Variants in ZNF385D observed in about 807,000 individuals in gnomAD.
ZNF385D encodes the protein zinc finger protein 385D.
ZNF385D carries 15 observed loss-of-function variants against 35.8 expected under a neutral mutation model. The ratio of observed to expected loss-of-function variants is 0.42; its 90% CI spans 0.28 to 0.64. ZNF385D has a LOEUF of 0.64. Ranked by LOEUF, ZNF385D falls within the 30% of genes least tolerant of loss-of-function variation. The pLI is 0.23. For synonymous variants in ZNF385D, 212 were observed against 186.8 expected, an observed-to-expected ratio of 1.13 and a Z score of -1.10; for missense variants, 474 against 494.6, an observed-to-expected ratio of 0.96 and a Z score of 0.39.
intron 3 of ZNF385D, among the ~76,000 whole-genome samples, chr3:21,827,898 G>C (rs1490738405): frequency 3.9e-5 from 6 of 152,166 alleles, no homozygotes; most frequent in African/African-American, 1.4e-4. Context: ...TATTCAAAGA[G>C]TGTTGGTAGA....
chr3:21,902,145 C>A (rs1198301071), intron 3 of ZNF385D, among the ~76,000 whole-genome samples: 1 of 152,006 alleles, frequency 6.6e-6, no homozygotes, highest in Non-Finnish European at 1.5e-5. Flanking sequence ...TCTGTATTAC[C>A]TATACACATT....
chr3:21,874,641 T>C (rs1697869121), intron 3 of ZNF385D, among the ~76,000 whole-genome samples: 1 of 152,162 alleles, frequency 6.6e-6, no homozygotes, highest in Non-Finnish European at 1.5e-5. Flanking sequence ...GAAATGTAGC[T>C]TTGTAATATG....
chr3:22,152,128 G>C (rs1253561267), intron 3 of ZNF385D, among the ~76,000 whole-genome samples: 3 of 152,078 alleles, frequency 2.0e-5, no homozygotes, highest in Non-Finnish European at 2.9e-5. Context: ...TCCTGCATTA[G>C]TATGCTATGA....
intron 2 of ZNF385D, among the ~76,000 whole-genome samples, chr3:22,291,235 C>G (rs1702286343): frequency 6.6e-6 from 1 of 151,948 alleles, no homozygotes; most frequent in Non-Finnish European, 1.5e-5. Flanking sequence ...GCAGAACTGC[C>G]CCTCCAAAAA....
intron 3 of ZNF385D, among the ~76,000 whole-genome samples, chr3:21,911,663 T>A (rs1471064094): frequency 1.3e-5 from 2 of 150,584 alleles, no homozygotes; most frequent in African/African-American, 4.9e-5. Flanking sequence ...GCAGAAGGCA[T>A]ACATTTTTTT....
At position 21,590,705 on chromosome 3, in the gene ZNF385D, G is replaced by T. The variant is rs147210257; in HGVS notation, c.166-26021C>A. ...TTCATTTGTTGGTGGGAGATGAGCGGAGGATGTAGTATTAAACCCCAAAAT... is the reference window on the plus strand; with the variant it reads ...TTCATTTGTTGGTGGGAGATGAGCGTAGGATGTAGTATTAAACCCCAAAAT... On this transcript the variant is annotated intron_variant, in intron 2 of 7. Coordinates refer to ENST00000281523, the MANE Select transcript of ZNF385D (RefSeq NM_024697.3). Among the ~76,000 whole-genome samples, 999 of 152,118 alleles carry T rather than the reference G, an allele frequency of 6.6e-3. 8 individuals carry two copies. Among genetic ancestry groups the T allele is most frequent in the African/African-American group, 0.02 (836 of 41,514 alleles).
chr3:21,610,556 G>A (rs2064640135), intron 2 of ZNF385D, among the ~76,000 whole-genome samples: 1 of 151,888 alleles, frequency 6.6e-6, no homozygotes, highest in African/African-American at 2.4e-5. Flanking sequence ...GGATCATGAG[G>A]TCAGGAGATC....
chr3:21,649,062 T>A (rs2065836123), intron 2 of ZNF385D, among the ~76,000 whole-genome samples: 1 of 152,184 alleles, frequency 6.6e-6, no homozygotes, highest in Non-Finnish European at 1.5e-5. Context: ...CACCACCATC[T>A]TGATACTCAA....
intron 3 of ZNF385D, among the ~76,000 whole-genome samples, chr3:21,956,837 T>C (rs1359244446): frequency 1.3e-5 from 2 of 151,806 alleles, no homozygotes; most frequent in African/African-American, 2.4e-5. Flanking sequence ...CTGTATTATT[T>C]ATCCTGTGAT....
intron 2 of ZNF385D, among the ~76,000 whole-genome samples, chr3:22,245,963 A>T (rs985433617): frequency 6.6e-6 from 1 of 152,096 alleles, no homozygotes; most frequent in Non-Finnish European, 1.5e-5. Flanking sequence ...CTCCTTATGA[A>T]AAGAGCTCAG....
chr3:22,332,108 T>G (rs181318326), intron 2 of ZNF385D, among the ~76,000 whole-genome samples: 12 of 152,304 alleles, frequency 7.9e-5, no homozygotes, highest in African/African-American at 2.9e-4. Context: ...AAGCTAATAT[T>G]CCTATTCACT....
intron 3 of ZNF385D, among the ~76,000 whole-genome samples, chr3:21,770,803 G>A (rs544642157): frequency 7.9e-5 from 12 of 152,030 alleles, no homozygotes; most frequent in Middle Eastern, 6.8e-3. Context: ...TGTTTATTGC[G>A]GTACTACTCA....
intron 3 of ZNF385D, among the ~76,000 whole-genome samples, chr3:21,965,741 T>C (rs937591538): frequency 2.0e-5 from 3 of 152,144 alleles, no homozygotes; most frequent in Non-Finnish European, 4.4e-5. Context: ...ATAACTTCTG[T>C]GGTAAGAGGA....
chr3:22,042,364 C>A (rs374754914), intron 3 of ZNF385D, among the ~76,000 whole-genome samples: 2 of 152,056 alleles, frequency 1.3e-5, no homozygotes, highest in African/African-American at 2.4e-5. Flanking sequence ...TATTACTATA[C>A]AGTTGACGAT....
At chr3:21,670,667 C>G (rs1480114581) in intron 1 of ZNF385D, among the ~76,000 whole-genome samples, 5 of 19,704 alleles carry the variant, frequency 2.5e-4, no homozygotes, top group Non-Finnish European at 6.2e-4. Flanking sequence ...CCCCCCCCCC[C>G]CCCCCCAATG....
chr3:22,091,207 C>A (rs1701315036), intron 3 of ZNF385D, among the ~76,000 whole-genome samples: 1 of 152,132 alleles, frequency 6.6e-6, no homozygotes, highest in Admixed American at 6.6e-5. Flanking sequence ...GAAACTTGGA[C>A]ACCAAGATTC....
intron 3 of ZNF385D, among the ~76,000 whole-genome samples, chr3:22,030,303 C>CTATCT (rs1697913521): frequency 4.0e-5 from 1 of 25,200 alleles, no homozygotes; most frequent in African/African-American, 1.6e-4. Context: ...ATATATATAT[C>CTATCT]CTATTTGGTC....
At chr3:21,479,849 A>G (rs1352015535) in intron 4 of ZNF385D, among the ~76,000 whole-genome samples, 1 of 152,206 alleles carries the variant, frequency 6.6e-6, no homozygotes, top group African/African-American at 2.4e-5. Context: ...CAAATGCTTC[A>G]TAATGTACTC....
chr3:22,100,962 AT>A (rs1322304009), intron 3 of ZNF385D, among the ~76,000 whole-genome samples: 1 of 152,088 alleles, frequency 6.6e-6, no homozygotes, highest in Non-Finnish European at 1.5e-5. Flanking sequence ...GCAACATTTT[AT>A]TGAATATAAA....
Sources: allele counts gnomAD v4.1 joint callset (sites outside exome capture counted in the v4.1 genomes callset), GRCh38; gene constraint gnomAD v4.1.1; transcripts MANE v1.5; gene names NCBI Gene and HGNC (gene_info 2026-07-23, HGNC 2026-07-21).